Variants in NDOR1 observed in about 807,000 individuals in gnomAD.
NDOR1 encodes NADPH dependent diflavin oxidoreductase 1, also known as NADPH-dependent diflavin oxidoreductase 1.
In NDOR1, 61 loss-of-function variants were observed where a neutral mutation model predicts 67.2. The ratio of observed to expected loss-of-function variants is 0.91; its 90% CI spans 0.74 to 1.12. NDOR1 has a LOEUF of 1.12. NDOR1 is among the 50% of genes most tolerant of loss of function. The pLI is 0.00. For missense variants in NDOR1, 878 were observed against 802.8 expected (o/e 1.09, Z -1.13); for synonymous variants, 378 against 343.7 (o/e 1.10, Z -1.10).
rs542281770 is a variant in NDOR1, at chr9:137,212,743, G to T, written c.311+144G>T. On this transcript the variant is annotated intron_variant, in intron 3 of 13. Transcript: ENST00000684003. The surrounding 1 kb of genome is among the most constrained non-coding windows in gnomAD (Gnocchi z 4.3). ...GCAGTGGTACTGGCTTCTCCACAAC[G>T]CTCCCTGGTGGGCACCCCAGGCTTC... 1.5e-5 allele frequency: 11 copies of T among 711,620 alleles called. No homozygotes were observed. The South Asian group carries it at 1.8e-4, about 12-fold the overall frequency. 44.1% of individuals were successfully genotyped at this position (711,620 alleles called of 1,614,324 possible). A position where few individuals can be genotyped will look rare whatever the true frequency, so the allele number is the denominator to read the frequency against.
rs534389756 is a variant in NDOR1 at position 137,205,823 on chromosome 9, A to G, written c.46A>G (p.Thr16Ala). Reference sequence around the variant, plus strand: ...GGTGCTCTTCGGCAGCCAGACAGGCACGGCTCAGGATGTGTCGGAGAGACT... The same window carrying G: ...GGTGCTCTTCGGCAGCCAGACAGGCGCGGCTCAGGATGTGTCGGAGAGACT... Reference protein sequence around the residue: ...LLVLFGSQTGTAQDVSERLGR... With the variant: ...LLVLFGSQTGAAQDVSERLGR... Residue 16 changes from threonine to alanine, a missense_variant, in exon 1 of 14, where the codon ACG becomes GCG. Physicochemically the swap from Thr to Ala is moderately conservative, Grantham distance 58. Coordinates refer to ENST00000684003, the MANE Select transcript of NDOR1 (RefSeq NM_014434.4). 84 of 1,605,596 alleles carry G rather than the reference A, an allele frequency of 5.2e-5. 1 individual carries two copies. In the Middle Eastern group the frequency reaches 9.9e-4, roughly 19 times the overall value.
chr9:137,206,094 G>A, intron 1 of NDOR1, 138 bp from the exon 2 acceptor site: 1 of 1,439,212 alleles, frequency 6.9e-7, no homozygotes, highest in Non-Finnish European at 9.7e-7. Context: ...GTTGGAACCT[G>A]AAAGAGAAGA....
At chr9:137,206,408 C>A in intron 2 of NDOR1, 99 bp downstream of exon 2, 1 of 1,221,524 alleles carries the variant, frequency 8.2e-7, no homozygotes. Flanking sequence ...TCTCCTTTAT[C>A]TCATGCACCT....
rs938520929 is a variant in NDOR1 at position 137,216,551 on chromosome 9, C to T, written c.*135C>T. ...TGGTCCTCTGGGAACAGCCAGCTCC[C>T]GAGCACAGCCGCACTCCTGTTGACC... On this transcript the variant is annotated 3_prime_UTR_variant, in exon 14 of 14. Coordinates refer to ENST00000684003, the MANE Select transcript of NDOR1 (RefSeq NM_014434.4). The T allele has an allele frequency of 1.3e-5, 15 of 1,160,886 alleles. No homozygotes were observed. The highest frequency in any genetic ancestry group is 3.0e-4 in the Middle Eastern group (1 of 3,366). 71.9% of individuals were successfully genotyped at this position (1,160,886 alleles called of 1,614,324 possible). A position where few individuals can be genotyped will look rare whatever the true frequency, so the allele number is the denominator to read the frequency against.
intron 2 of NDOR1, among the ~76,000 whole-genome samples, chr9:137,208,410 C>A (rs1835084337): frequency 6.6e-6 from 1 of 151,952 alleles, no homozygotes; most frequent in African/African-American, 2.4e-5. Flanking sequence ...GAGATCGCGC[C>A]ACTGCACTCC....
In NDOR1 at chr9:137,217,190, G is replaced by A. The variant is rs1056795060; in HGVS notation, c.*774G>A. Among the ~76,000 whole-genome samples the A allele has an allele frequency of 6.6e-6, 1 of 152,098 alleles. No individual in the cohort carries two copies. The highest frequency in any genetic ancestry group is 1.9e-4 in the East Asian group (1 of 5,178). ...TGGGTGCTGGATGGGTGGGCGCCAC[G>A]GTGCACCCTTGTTGGGCTGCCTGTG... On this transcript the variant is annotated 3_prime_UTR_variant, in exon 14 of 14. Coordinates refer to ENST00000684003, the MANE Select transcript of NDOR1 (RefSeq NM_014434.4).
In NDOR1 at chr9:137,215,958, T is replaced by C. The variant is rs202165983; in HGVS notation, c.1495T>C (p.Trp499Arg). ...RDQDFYWEAE[W>R]QELEKRDCLT... ...CCAAGACTTCTACTGGGAGGCTGAG[T>C]GGCAGGAGCTGGAGAAGCGGGACTG... is the stretch of plus-strand genomic sequence containing the variant. Residue 499 changes from tryptophan to arginine, a missense_variant, in exon 12 of 14, where the codon TGG becomes CGG. Physicochemically the swap from Trp to Arg is moderately radical, Grantham distance 101 (BLOSUM62 -3). Coordinates refer to ENST00000684003, the MANE Select transcript of NDOR1 (RefSeq NM_014434.4). The C allele has an allele frequency of 1.9e-6, 3 of 1,613,454 alleles. No homozygotes were observed.
Position 137,215,100 on chromosome 9 carries a change from C to T in NDOR1, c.1071C>T (p.Leu357=), listed in dbSNP as rs773105160. 1.2e-6 allele frequency: 2 copies of T among 1,613,784 alleles called. No homozygotes were observed. The highest frequency in any genetic ancestry group is 1.7e-6 in the Non-Finnish European group (2 of 1,179,972). Residue 357 remains leucine, a synonymous_variant, in exon 9 of 14, where the codon CTC becomes CTT. Transcript: ENST00000684003. The part of the protein sequence containing the change: ...NRPRRTILEV[L]CDFPHTAAAI... ...CTGAGACTCTCTTTGCCTAGGTGCT[C>T]TGTGACTTCCCGCACACAGCTGCCG...
In NDOR1 at chr9:137,205,846, A is replaced by G; in HGVS notation, c.69A>G (p.Arg23=). Residue 23 remains arginine, a synonymous_variant, in exon 1 of 14, where the codon AGA becomes AGG. Coordinates refer to ENST00000684003, the MANE Select transcript of NDOR1 (RefSeq NM_014434.4). ...GCACGGCTCAGGATGTGTCGGAGAGACTGGGTCGCGAGGCCCGGCGCCGGC... is the reference window on the plus strand; with the variant it reads ...GCACGGCTCAGGATGTGTCGGAGAGGCTGGGTCGCGAGGCCCGGCGCCGGC... ...QTGTAQDVSE[R]LGREARRRRL... 1 of 1,603,660 alleles carries G rather than the reference A, an allele frequency of 6.2e-7. No individual in the cohort carries two copies.
Position 137,218,668 on chromosome 9 carries a change from C to G in NDOR1, c.*2252C>G. 2.5e-6 allele frequency: 1 copy of G among 398,454 alleles called. No homozygotes were observed. Among genetic ancestry groups the G allele is most frequent in the East Asian group, 3.6e-5 (1 of 28,070 alleles). 24.7% of individuals were successfully genotyped at this position (398,454 alleles called of 1,614,324 possible). A position where few individuals can be genotyped will look rare whatever the true frequency, so the allele number is the denominator to read the frequency against. On this transcript the variant is annotated 3_prime_UTR_variant, in exon 14 of 14. Coordinates refer to ENST00000684003, the MANE Select transcript of NDOR1 (RefSeq NM_014434.4). ...CCCAGACTGGCCCACGTCCCCATGC[C>G]TGGGTGCTGTGAGGCCTGATGACCA...
At position 137,214,809 on chromosome 9, in the gene NDOR1, C is replaced by G; in HGVS notation, c.856C>G (p.Pro286Ala). 1 of 1,603,588 alleles carries G rather than the reference C, an allele frequency of 6.2e-7. No individual in the cohort carries two copies. Among genetic ancestry groups the G allele is most frequent in the Non-Finnish European group, 8.5e-7 (1 of 1,178,356 alleles). The change falls in exon 8 of 14, where the codon CCC becomes GCC. Residue 286 changes from proline to alanine, a missense_variant. Transcript: ENST00000684003. ...CACTCACCCTGCAGATGTCTCCTCC[C>G]CCACGAGGCTGCCCCAGCCCTGCTC... Reference protein sequence around the residue: ...LQPREPDVSSPTRLPQPCSMR... With the variant: ...LQPREPDVSSATRLPQPCSMR...
rs780378837 is a variant in NDOR1 at position 137,214,423 on chromosome 9, G to A, written c.722+10G>A. On this transcript the variant is annotated intron_variant, in intron 6 of 13. Coordinates refer to ENST00000684003, the MANE Select transcript of NDOR1 (RefSeq NM_014434.4). ...TGGGCTCTGGCATCAGGTGGGGACT[G>A]CTGGGGACCGAGGAGGGCAAGGTGA... 2.5e-5 allele frequency: 40 copies of A among 1,612,564 alleles called. No individual in the cohort carries two copies. The highest frequency in any genetic ancestry group is 3.2e-5 in the Non-Finnish European group (38 of 1,179,764).
chr9:137,205,952 G>A (rs747133190), intron 1 of NDOR1, 40 bp downstream of exon 1: 1 of 1,533,568 alleles, frequency 6.5e-7, no homozygotes, highest in Non-Finnish European at 8.7e-7. Context: ...GGACGAGCAG[G>A]CCTGGCGTGC....
At position 137,214,883 on chromosome 9, in the gene NDOR1, C is replaced by A; in HGVS notation, c.930C>A (p.Arg310=). Reference sequence around the variant, plus strand: ...ACCTGGACATCGCCAGCGTGCCTCGCCGCTCCTTCTTCGAACTCCTGGCCT... The same window carrying A: ...ACCTGGACATCGCCAGCGTGCCTCGACGCTCCTTCTTCGAACTCCTGGCCT... The part of the protein sequence containing the change: ...SHYLDIASVP[R]RSFFELLACL... The change falls in exon 8 of 14, where the codon CGC becomes CGA. Residue 310 remains arginine, a synonymous_variant. Transcript: ENST00000684003. 1 of 1,611,906 alleles carries A rather than the reference C, an allele frequency of 6.2e-7. No homozygotes were observed. The highest frequency in any genetic ancestry group is 8.5e-7 in the Non-Finnish European group (1 of 1,180,034).
Position 137,214,512 on chromosome 9 carries a change from G to A in NDOR1, c.723-58G>A, listed in dbSNP as rs538940688. ...GGGCTGCAGGGGATGACTTCTATCCGGGGCCCCGACATCCTCCCTGCGGCG... is the reference window on the plus strand; with the variant it reads ...GGGCTGCAGGGGATGACTTCTATCCAGGGCCCCGACATCCTCCCTGCGGCG... On this transcript the variant is annotated intron_variant, in intron 6 of 13. Transcript: ENST00000684003. The A allele has an allele frequency of 3.7e-5, 60 of 1,608,824 alleles. No individual in the cohort carries two copies. The Admixed American group carries it at 5.8e-4, about 16-fold the overall frequency.
At chr9:137,209,257 A>T (rs918101996) in intron 2 of NDOR1, among the ~76,000 whole-genome samples, 2 of 151,978 alleles carry the variant, frequency 1.3e-5, no homozygotes, top group East Asian at 1.9e-4. Flanking sequence ...ATGGCAGGGG[A>T]TGTGCAGCGG....
At chr9:137,216,231 G>A (rs761300084) in intron 13 of NDOR1, 41 bp from the exon 14 acceptor site, 1 of 1,613,004 alleles carries the variant, frequency 6.2e-7, no homozygotes, top group Admixed American at 1.7e-5. Flanking sequence ...CAGCCCCTGA[G>A]TGCCAGGCCT....
Position 137,212,423 on chromosome 9 carries a change from T to G in NDOR1, c.214-79T>G. On this transcript the variant is annotated intron_variant, in intron 2 of 13. Coordinates refer to ENST00000684003, the MANE Select transcript of NDOR1 (RefSeq NM_014434.4). This position sits in a 1 kb window ranked among gnomAD's most constrained non-coding sequence, Gnocchi z 4.3. ...CATCCTACCCACCTGCCTGTTCCCCTGAGACCCTCCCCTCACCCCCTGCTG... is the reference window on the plus strand; with the variant it reads ...CATCCTACCCACCTGCCTGTTCCCCGGAGACCCTCCCCTCACCCCCTGCTG... The G allele has an allele frequency of 1.5e-6, 2 of 1,312,370 alleles. No individual in the cohort carries two copies. The highest frequency in any genetic ancestry group is 1.5e-5 in the African/African-American group (1 of 68,810). The allele number at this position is 1,312,370 out of a possible 1,614,324, so 81.3% of individuals were successfully genotyped here.
At chr9:137,208,301 A>C (rs1835075335) in intron 2 of NDOR1, among the ~76,000 whole-genome samples, 1 of 148,628 alleles carries the variant, frequency 6.7e-6, no homozygotes, top group Admixed American at 6.7e-5. Flanking sequence ...AATACAAAAA[A>C]CTAGCCGGAT....
Sources: gnomAD v4.1 joint callset for allele counts (sites outside exome capture counted in the v4.1 genomes callset) on GRCh38, gnomAD v4.1.1 for gene constraint, Gnocchi (gnomAD v3.1) non-coding constraint, MANE v1.5 for transcripts, NCBI Gene and HGNC (gene_info 2026-07-23, HGNC 2026-07-21) for gene names.